The following YIPF6 variants were observed in gnomAD, a reference collection of about 807,000 sequenced individuals.
YIPF6 encodes the protein protein YIPF6.
A neutral mutation model predicts 16.8 loss-of-function variants in YIPF6; 3 were observed. The observed-to-expected ratio is 0.18, with a 90% confidence interval of 0.08 to 0.46. The LOEUF is 0.46. YIPF6 is among the 20% of genes least tolerant of loss of function. The probability of loss-of-function intolerance (pLI) is 0.98; values close to 1 mark genes in which losing one functional copy is unlikely to be tolerated. For missense variants in YIPF6, 145 were observed against 184.9 expected (o/e 0.78, Z 1.25); for synonymous variants, 67 against 61.9 (o/e 1.08, Z -0.38).
chrX:68,523,978 A>G (rs1406793760), intron 6 of YIPF6, among the ~76,000 whole-genome samples: 1 of 112,157 alleles, frequency 8.9e-6, no homozygotes, highest in African/African-American at 3.2e-5. Flanking sequence ...TTCAGCAAAC[A>G]TTAATCACAA....
chrX:68,528,837 C>T (rs1055790960), intron 6 of YIPF6, among the ~76,000 whole-genome samples: 4 of 111,641 alleles, frequency 3.6e-5, no homozygotes, highest in East Asian at 5.6e-4. Flanking sequence ...GGGTTTCTGC[C>T]GAGAGATCAG....
intron 6 of YIPF6, among the ~76,000 whole-genome samples, chrX:68,531,483 A>G (rs1411718603): frequency 9.0e-6 from 1 of 111,703 alleles, no homozygotes; most frequent in East Asian, 2.8e-4. Flanking sequence ...TGGACAAGGG[A>G]GGGATGGCGT....
rs867292993 is a variant in YIPF6, at chrX:68,499,115, A to G, written c.49A>G (p.Arg17Gly). Residue 17 changes from arginine (R) to glycine (G), a missense_variant, in exon 1 of 7, where the codon AGG (arginine) becomes GGG (glycine). By Grantham distance (125) the Arg-to-Gly change is moderately radical. Transcript: ENST00000462683. ...SPGDPGTASP[R>G]PLFAGLSDIS... is the part of the protein sequence containing the mutation. ...AGGAGACCCGGGGACAGCATCGCCC[A>G]GGCCCCTGGTGAGCTTGGGATCTGC... 9.3e-6 allele frequency: 11 copies of G among 1,183,117 alleles called. No individual in the cohort carries two copies. The Middle Eastern group carries it at 2.3e-3, about 252-fold the overall frequency.
In YIPF6 at chrX:68,536,103, T is replaced by G. The variant is rs1419857047; in HGVS notation, c.*4104T>G. 6 of 112,052 alleles carry G rather than the reference T, an allele frequency of 5.4e-5. No individual in the cohort carries two copies. Among genetic ancestry groups the G allele is most frequent in the Non-Finnish European group, 9.4e-5 (5 of 53,225 alleles). The allele number at this position is 112,052 out of a possible 1,213,427, so 9.2% of individuals were successfully genotyped here. On this transcript the variant is annotated 3_prime_UTR_variant, in exon 7 of 7. Transcript: ENST00000462683. ...CCATGCCTGGCTGAAATTCACCTTT[T>G]AAGATGTACAATTCAGTGGTTTTTA...
intron 4 of YIPF6, among the ~76,000 whole-genome samples, chrX:68,519,846 G>T (rs1018316421): frequency 8.9e-6 from 1 of 111,812 alleles, no homozygotes; most frequent in African/African-American, 3.2e-5. Context: ...CCATGTTAAG[G>T]GATGCAGCCT....
intron 4 of YIPF6, among the ~76,000 whole-genome samples, chrX:68,520,875 T>C (rs748443584): frequency 3.6e-5 from 4 of 111,776 alleles, no homozygotes; most frequent in Non-Finnish European, 7.5e-5. Context: ...AGTAGTGATA[T>C]GGTGACTGTA....
In YIPF6 at chrX:68,536,282, T is replaced by C. The variant is rs1233990188; in HGVS notation, c.*4283T>C. On this transcript the variant is annotated 3_prime_UTR_variant, in exon 7 of 7. Transcript: ENST00000462683. ...CCACTAATCTGCTTTCTGTCACTAT[T>C]GATTTGGCCAGACACTATTCTTCTG... 3 of 111,417 alleles carry C rather than the reference T, an allele frequency of 2.7e-5. No homozygotes were observed. Among genetic ancestry groups the C allele is most frequent in the African/African-American group, 6.5e-5 (2 of 30,632 alleles). The allele number at this position is 111,417 out of a possible 1,213,427, so 9.2% of individuals were successfully genotyped here. A position where few individuals can be genotyped will look rare whatever the true frequency, so the allele number is the denominator to read the frequency against.
intron 6 of YIPF6, among the ~76,000 whole-genome samples, chrX:68,530,000 C>T (rs1193594956): frequency 2.7e-5 from 3 of 112,146 alleles, no homozygotes; most frequent in African/African-American, 9.7e-5. Flanking sequence ...AGAGTTGAAG[C>T]ACTGTGCGCT....
intron 2 of YIPF6, 101 bp from the exon 3 acceptor site, chrX:68,513,226 A>C (rs1447090769): frequency 1.0e-5 from 6 of 573,601 alleles, no homozygotes; most frequent in Non-Finnish European, 1.6e-5. Context: ...AATTCAGTGA[A>C]GAGTTCACAG....
intron 3 of YIPF6, among the ~76,000 whole-genome samples, chrX:68,517,694 G>A (rs1382108586): frequency 8.9e-6 from 1 of 111,908 alleles, no homozygotes; most frequent in Admixed American, 9.5e-5. Context: ...CAGGCTGGGT[G>A]TGGTGGCTTA....
chrX:68,523,088 G>A lies in YIPF6; in HGVS notation c.592+171G>A, dbSNP rs192188764. Among the ~76,000 whole-genome samples, 239 of 108,675 alleles carry A rather than the reference G, an allele frequency of 2.2e-3. 2 individuals carry two copies. Among genetic ancestry groups the A allele is most frequent in the African/African-American group, 7.3e-3 (219 of 29,845 alleles). The allele number at this position is 108,675 out of a possible 115,157, so 94.4% of individuals were successfully genotyped here. On this transcript the variant is annotated intron_variant, in intron 6 of 6. Transcript: ENST00000462683. ...GTAGGCAATGATGGGGCTTATCTGA[G>A]TTGGATATCTGGACTTATAAGATGT...
At chrX:68,519,997 T>C (rs1209513454) in intron 4 of YIPF6, among the ~76,000 whole-genome samples, 1 of 112,044 alleles carries the variant, frequency 8.9e-6, no homozygotes, top group East Asian at 2.8e-4. Flanking sequence ...TCAAGTGACA[T>C]ATCTAGTGAC....
intron 4 of YIPF6, among the ~76,000 whole-genome samples, chrX:68,519,105 C>T (rs1218721297): frequency 4.5e-5 from 5 of 112,071 alleles, no homozygotes; most frequent in African/African-American, 1.6e-4. Context: ...TATTATTAAA[C>T]TAAGTGAATT....
rs2079192403 is a variant in YIPF6, at chrX:68,536,561, T to C, written c.*4562T>C. 9.1e-6 allele frequency: 1 copy of C among 110,333 alleles called. No individual in the cohort carries two copies. Among genetic ancestry groups the C allele is most frequent in the Admixed American group, 9.6e-5 (1 of 10,373 alleles). 9.1% of individuals were successfully genotyped at this position (110,333 alleles called of 1,213,427 possible). A position where few individuals can be genotyped will look rare whatever the true frequency, so the allele number is the denominator to read the frequency against. ...GTACCCTAGGTACAAATATAGGTAT[T>C]TTCCCTATTGTGTTATGTACCTGAA... On this transcript the variant is annotated 3_prime_UTR_variant, in exon 7 of 7. Coordinates refer to ENST00000462683, the MANE Select transcript of YIPF6 (RefSeq NM_173834.4).
Position 68,521,483 on chromosome X carries a change from T to C in YIPF6, c.420T>C (p.Leu140=), listed in dbSNP as rs767412059. 2 of 1,209,262 alleles carry C rather than the reference T, an allele frequency of 1.7e-6. No individual in the cohort carries two copies. Among genetic ancestry groups the C allele is most frequent in the South Asian group, 3.5e-5 (2 of 56,383 alleles). Residue 140 remains leucine, a synonymous_variant, in exon 5 of 7, where the codon CTT becomes CTC. Transcript: ENST00000462683. The part of the protein sequence containing the change: ...GAVTITLNSK[L]LGGNISFFQS... ...TTACCATCACCCTCAACTCAAAACT[T>C]CTTGGAGGGAACATGTGAGTATTAT... is the stretch of plus-strand genomic sequence containing the variant.
chrX:68,508,251 C>T (rs948980453), intron 1 of YIPF6, among the ~76,000 whole-genome samples: 2 of 108,733 alleles, frequency 1.8e-5, no homozygotes, highest in Non-Finnish European at 3.8e-5. Flanking sequence ...GAGGTGTGTG[C>T]CACCACTCCT....
intron 1 of YIPF6, among the ~76,000 whole-genome samples, chrX:68,509,648 A>T (rs2079072802): frequency 9.0e-6 from 1 of 111,239 alleles, no homozygotes; most frequent in Admixed American, 9.6e-5. Flanking sequence ...CCTGGGTAGC[A>T]CTTTCTTAGT....
chrX:68,518,576 C>T (rs1415868467), intron 3 of YIPF6, among the ~76,000 whole-genome samples, 194 bp from the exon 4 acceptor site: 1 of 110,453 alleles, frequency 9.1e-6, no homozygotes, highest in East Asian at 2.9e-4. Flanking sequence ...ATGAAATAAG[C>T]GAAACTGGAA....
intron 1 of YIPF6, among the ~76,000 whole-genome samples, chrX:68,501,208 T>C (rs1349052920): frequency 8.9e-6 from 1 of 112,285 alleles, no homozygotes; most frequent in East Asian, 2.8e-4. Context: ...TATACAATGC[T>C]AAAATAAGGC....
Sources: gnomAD v4.1 joint callset for allele counts (sites outside exome capture counted in the v4.1 genomes callset) on GRCh38, gnomAD v4.1.1 for gene constraint, MANE v1.5 for transcripts, NCBI Gene and HGNC (gene_info 2026-07-23, HGNC 2026-07-21) for gene names.